Variants in BLTP2 observed in about 807,000 individuals in gnomAD.
BLTP2 encodes the protein U937-associated antigen.
chr17:28,617,939 T>C, the BLTP2 span, among the ~76,000 whole-genome samples: 3 of 149,528 alleles, frequency 2.0e-5, no homozygotes, highest in Admixed American at 6.6e-5. Flanking sequence ...TTCTTTTTTT[T>C]TTTTTTTTTT....
At chr17:28,615,676 G>C in the BLTP2 span, 1 of 1,614,018 alleles carries the variant, frequency 6.2e-7, no homozygotes, top group African/African-American at 1.3e-5. Context: ...GGGCAACCAG[G>C]GCTTTGCGGC....
At chr17:28,633,789 C>T in the BLTP2 span, 1 of 1,602,992 alleles carries the variant, frequency 6.2e-7, no homozygotes, top group African/African-American at 1.3e-5. Flanking sequence ...TTGTTCACAA[C>T]ATTACCCCTC....
the BLTP2 span, chr17:28,637,924 G>C: frequency 6.2e-7 from 1 of 1,614,182 alleles, no homozygotes; most frequent in South Asian, 1.1e-5. Flanking sequence ...CAAATGAAGA[G>C]TGCCTAGAGA....
the BLTP2 span, chr17:28,623,762 C>T: frequency 6.2e-7 from 1 of 1,613,948 alleles, no homozygotes; most frequent in Non-Finnish European, 8.5e-7. Context: ...TGACTAACCT[C>T]TAACCAGAGC....
chr17:28,644,675 G>T, the BLTP2 span, among the ~76,000 whole-genome samples: 1 of 152,222 alleles, frequency 6.6e-6, no homozygotes, highest in African/African-American at 2.4e-5. Context: ...GGACATGCAG[G>T]GGTGGGTGGA....
the BLTP2 span, chr17:28,631,513 G>A: frequency 7.1e-5 from 114 of 1,614,182 alleles, no homozygotes; most frequent in Middle Eastern, 1.3e-3. Flanking sequence ...CCGTTGGTAG[G>A]TGAGGGAGGA....
the BLTP2 span, among the ~76,000 whole-genome samples, chr17:28,620,263 T>C: frequency 6.6e-6 from 1 of 152,200 alleles, no homozygotes; most frequent in Admixed American, 6.5e-5. Context: ...TAGAGGTGTC[T>C]AGGTGACTGA....
the BLTP2 span, chr17:28,643,663 A>C: frequency 6.2e-7 from 1 of 1,614,024 alleles, no homozygotes; most frequent in Non-Finnish European, 8.5e-7. Context: ...CAATTTCCTA[A>C]AACAGTGAGG....
chr17:28,644,668 C>G, the BLTP2 span, among the ~76,000 whole-genome samples: 1 of 152,210 alleles, frequency 6.6e-6, no homozygotes, highest in Non-Finnish European at 1.5e-5. Flanking sequence ...GCGAAAGGGA[C>G]ATGCAGGGGT....
chr17:28,631,941 A>G, the BLTP2 span: 18 of 1,613,054 alleles, frequency 1.1e-5, no homozygotes, highest in South Asian at 2.2e-5. Flanking sequence ...AGAGCATAAC[A>G]TTAACAAAGG....
At chr17:28,633,021 C>T in the BLTP2 span, 1 of 1,584,252 alleles carries the variant, frequency 6.3e-7, no homozygotes, top group South Asian at 1.2e-5. Context: ...AGTCATGAAG[C>T]TGGCCCAAGG....
At chr17:28,635,520 T>A in the BLTP2 span, 1 of 1,614,050 alleles carries the variant, frequency 6.2e-7, no homozygotes, top group Non-Finnish European at 8.5e-7. Flanking sequence ...TTAGTAGGTC[T>A]CGGCACTGTA....
At chr17:28,623,783 C>CCTG in the BLTP2 span, 20 of 1,614,056 alleles carry the variant, frequency 1.2e-5, no homozygotes, top group Non-Finnish European at 1.5e-5. Context: ...TGTCGGCCAT[C>CCTG]CTGCTCTGTG....
At chr17:28,619,736 G>A in the BLTP2 span, 1 of 1,613,862 alleles carries the variant, frequency 6.2e-7, no homozygotes, top group Middle Eastern at 1.7e-4. Context: ...TTCTGGTTCA[G>A]GTCAAGCAGA....
At chr17:28,641,854 A>G in the BLTP2 span, 1 of 1,569,146 alleles carries the variant, frequency 6.4e-7, no homozygotes, top group Non-Finnish European at 8.7e-7. Flanking sequence ...CCCTGAGAAC[A>G]AGGCAGCCAA....
chr17:28,634,663 G>A, the BLTP2 span: 19 of 1,614,194 alleles, frequency 1.2e-5, no homozygotes, highest in South Asian at 2.0e-4. Context: ...ATCTGCCAGA[G>A]CTACCAGTTC....
the BLTP2 span, chr17:28,616,514 G>A: frequency 1.9e-6 from 3 of 1,614,048 alleles, no homozygotes; most frequent in Non-Finnish European, 2.5e-6. The surrounding 1 kb of genome is among the most constrained non-coding windows in gnomAD (Gnocchi z 4.8). Context: ...GTATTCCTAT[G>A]AAAAAGCAAG....
the BLTP2 span, chr17:28,641,810 G>C: frequency 7.9e-7 from 1 of 1,263,126 alleles, no homozygotes; most frequent in Non-Finnish European, 1.1e-6. Flanking sequence ...TAAATAAGCA[G>C]TGAGACCACT....
chr17:28,621,137 T>G, the BLTP2 span: 5 of 1,613,984 alleles, frequency 3.1e-6, no homozygotes, highest in Admixed American at 8.3e-5. Flanking sequence ...CTGGACTTGC[T>G]GGGCTTGCTG....
Sources: gnomAD v4.1 joint callset for allele counts (sites outside exome capture counted in the v4.1 genomes callset) on GRCh38, gnomAD v4.1.1 for gene constraint, Gnocchi (gnomAD v3.1) non-coding constraint, MANE v1.5 for transcripts, NCBI Gene and HGNC (gene_info 2026-07-23, HGNC 2026-07-21) for gene names.